The following OTUD7A variants were observed in gnomAD, a reference collection of about 807,000 sequenced individuals.
OTUD7A encodes OTU domain-containing protein 7A.
In OTUD7A, 12 loss-of-function variants were observed where a neutral mutation model predicts 65.7. The ratio of observed to expected loss-of-function variants is 0.18; its 90% CI spans 0.12 to 0.30. OTUD7A has a LOEUF of 0.30. Ranked by LOEUF, OTUD7A falls within the 10% of genes least tolerant of loss-of-function variation. The probability of loss-of-function intolerance (pLI) is 1.00; values close to 1 mark genes in which losing one functional copy is unlikely to be tolerated. For synonymous variants in OTUD7A, 641 were observed against 586.3 expected, an observed-to-expected ratio of 1.09 and a Z score of -1.35; for missense variants, 1,148 against 1,304.8, an observed-to-expected ratio of 0.88 and a Z score of 1.85.
chr15:31,614,670 C>T (rs1890531869), intron 3 of OTUD7A, among the ~76,000 whole-genome samples: 1 of 151,998 alleles, frequency 6.6e-6, no homozygotes, highest in South Asian at 2.1e-4. Context: ...GGGGACCACA[C>T]TATAGAAAAT....
At chr15:31,616,568 CAG>C (rs1320708991) in intron 3 of OTUD7A, among the ~76,000 whole-genome samples, 1 of 152,120 alleles carries the variant, frequency 6.6e-6, no homozygotes, top group Non-Finnish European at 1.5e-5. Flanking sequence ...TTATTTGAGA[CAG>C]AGTCTTGCTC....
chr15:31,783,255 C>A (rs1289023175), intron 1 of OTUD7A, among the ~76,000 whole-genome samples: 2 of 152,180 alleles, frequency 1.3e-5, no homozygotes, highest in African/African-American at 2.4e-5. Flanking sequence ...CCAATACTTG[C>A]TGCTGAAGGA....
At chr15:31,793,108 G>A (rs1027194923) in intron 1 of OTUD7A, among the ~76,000 whole-genome samples, 15 of 152,284 alleles carry the variant, frequency 9.9e-5, no homozygotes, top group African/African-American at 3.6e-4. Flanking sequence ...CTGTGCGGCT[G>A]TGCTTCTGCC....
intron 3 of OTUD7A, among the ~76,000 whole-genome samples, chr15:31,628,577 C>T (rs1240395133): frequency 6.6e-6 from 1 of 152,162 alleles, no homozygotes; most frequent in Non-Finnish European, 1.5e-5. Flanking sequence ...GCAATGCGGG[C>T]TCTTTTTTGG....
chr15:31,489,485 T>C (rs2041286674), intron 10 of OTUD7A, among the ~76,000 whole-genome samples: 1 of 152,132 alleles, frequency 6.6e-6, no homozygotes, highest in Non-Finnish European at 1.5e-5. Flanking sequence ...CCACTCCATG[T>C]CTTAGCCACC....
At chr15:31,787,156 A>G (rs931455325) in intron 1 of OTUD7A, among the ~76,000 whole-genome samples, 34 of 152,266 alleles carry the variant, frequency 2.2e-4, no homozygotes, top group African/African-American at 7.0e-4. Context: ...TTTGATCTCA[A>G]TGCTAGACAC....
At chr15:31,566,185 C>T (rs1479368515) in intron 4 of OTUD7A, among the ~76,000 whole-genome samples, 1 of 136,752 alleles carries the variant, frequency 7.3e-6, no homozygotes, top group Non-Finnish European at 1.5e-5. Flanking sequence ...AGTGAGACTC[C>T]ATCTCAAAAG....
At chr15:31,598,929 G>C (rs908538932) in intron 3 of OTUD7A, among the ~76,000 whole-genome samples, 1 of 152,130 alleles carries the variant, frequency 6.6e-6, no homozygotes, top group Non-Finnish European at 1.5e-5. Context: ...AGCTCAGCAA[G>C]GCCGCCGTGG....
At chr15:31,522,613 T>C (rs1465493344) in intron 8 of OTUD7A, among the ~76,000 whole-genome samples, 1 of 152,220 alleles carries the variant, frequency 6.6e-6, no homozygotes, top group Non-Finnish European at 1.5e-5. Context: ...GTGATGATAA[T>C]GACAGCTCAT....
In OTUD7A at chr15:31,582,013, A is replaced by G. The variant is rs532235671; in HGVS notation, c.152-11816T>C. Among the ~76,000 whole-genome samples, 12 of 152,314 alleles carry G rather than the reference A, an allele frequency of 7.9e-5. No homozygotes were observed. The South Asian group carries it at 2.5e-3, about 32-fold the overall frequency. ...TATCTTTGTGAATACACAAAACAAC[A>G]TGCTTTTAAGAGCACCCAAGTCACC... is the stretch of plus-strand genomic sequence containing the variant. On this transcript the variant is annotated intron_variant, in intron 3 of 12. Transcript: ENST00000307050.
chr15:31,679,639 T>C (rs955344924), intron 1 of OTUD7A, among the ~76,000 whole-genome samples: 10 of 152,320 alleles, frequency 6.6e-5, no homozygotes, highest in Admixed American at 6.5e-4. Flanking sequence ...TAAAGAAATG[T>C]GCCTTGCTTC....
At chr15:31,561,202 G>A (rs1441463684) in intron 4 of OTUD7A, among the ~76,000 whole-genome samples, 1 of 152,180 alleles carries the variant, frequency 6.6e-6, no homozygotes, top group Admixed American at 6.5e-5. Context: ...AGAAAGAAGA[G>A]GGAGGGAGCA....
chr15:31,522,990 C>T (rs1377342476), intron 8 of OTUD7A, among the ~76,000 whole-genome samples: 3 of 152,230 alleles, frequency 2.0e-5, no homozygotes, highest in Non-Finnish European at 4.4e-5. Context: ...ACCCTTTACC[C>T]TCATCCGTGG....
intron 1 of OTUD7A, among the ~76,000 whole-genome samples, chr15:31,857,880 T>C (rs1897618131): frequency 6.6e-6 from 1 of 152,228 alleles, no homozygotes; most frequent in South Asian, 2.1e-4. Context: ...ATGTGTGCAG[T>C]AGTTCAGTTC....
At chr15:31,588,192 A>G (rs1029982512) in intron 3 of OTUD7A, among the ~76,000 whole-genome samples, 2 of 152,218 alleles carry the variant, frequency 1.3e-5, no homozygotes, top group African/African-American at 4.8e-5. Flanking sequence ...GCTATGTGGC[A>G]ATGAAAAAGC....
At chr15:31,676,643 A>G (rs1445104710) in intron 1 of OTUD7A, among the ~76,000 whole-genome samples, 2 of 152,198 alleles carry the variant, frequency 1.3e-5, no homozygotes, top group South Asian at 2.1e-4. Flanking sequence ...TGAGCAGTCA[A>G]CCCAATGGTG....
chr15:31,545,971 G>A (rs1888118326), intron 5 of OTUD7A, among the ~76,000 whole-genome samples: 1 of 152,192 alleles, frequency 6.6e-6, no homozygotes, highest in African/African-American at 2.4e-5. Flanking sequence ...GTTCCAAAGA[G>A]TAAATCTTGA....
chr15:31,689,412 C>G (rs1016109370), intron 1 of OTUD7A: 7 of 149,864 alleles, frequency 4.7e-5, no homozygotes, highest in Admixed American at 3.3e-4. Flanking sequence ...CAGGCCAACA[C>G]TGCGCCGTCC....
chr15:31,840,519 T>C (rs1897159280), intron 1 of OTUD7A, among the ~76,000 whole-genome samples: 1 of 152,214 alleles, frequency 6.6e-6, no homozygotes, highest in Admixed American at 6.5e-5. Context: ...GTCTATTCTA[T>C]TAGAATGATG....
Sources: allele counts gnomAD v4.1 joint callset (sites outside exome capture counted in the v4.1 genomes callset), GRCh38; gene constraint gnomAD v4.1.1; transcripts MANE v1.5; gene names NCBI Gene and HGNC (gene_info 2026-07-23, HGNC 2026-07-21).